Variants in FGGY observed in about 807,000 individuals in gnomAD.
FGGY encodes FGGY carbohydrate kinase domain containing.
In FGGY, 72 loss-of-function variants were observed where a neutral mutation model predicts 71.3. The observed-to-expected ratio is 1.01, with a 90% CI of 0.84 to 1.23. The LOEUF (loss-of-function observed/expected upper bound fraction) is 1.23, where lower values mean the gene tolerates loss of function less well. Among genes scored for constraint, FGGY ranks in the 50% most tolerant of loss-of-function variants. The probability of loss-of-function intolerance (pLI) is 0.00; values close to 1 mark genes in which losing one functional copy is unlikely to be tolerated. For missense variants in FGGY, 668 were observed against 682.3 expected (o/e 0.98, Z 0.23); for synonymous variants, 251 against 250.3 (o/e 1.00, Z -0.02).
intron 2 of FGGY, among the ~76,000 whole-genome samples, chr1:59,330,537 C>G (rs2048265384): frequency 6.6e-6 from 1 of 150,982 alleles, no homozygotes. Context: ...GCACTGCCCT[C>G]CAGCCTGGGC....
intron 6 of FGGY, among the ~76,000 whole-genome samples, chr1:59,492,882 T>C (rs72666212): frequency 0.064 from 9,740 of 152,184 alleles, 410 homozygotes; most frequent in East Asian, 0.12. Context: ...ATAAGGCAAA[T>C]TGAGTTACTT....
chr1:59,477,337 G>A (rs1029240447), intron 6 of FGGY, among the ~76,000 whole-genome samples: 3 of 152,136 alleles, frequency 2.0e-5, no homozygotes, highest in Middle Eastern at 3.2e-3. Flanking sequence ...GACCTTTTAA[G>A]TTTCCCAGCA....
chr1:59,382,329 T>A (rs2059564548), intron 5 of FGGY, among the ~76,000 whole-genome samples: 8 of 152,136 alleles, frequency 5.3e-5, no homozygotes, highest in Admixed American at 5.2e-4. Context: ...AGAGAACATT[T>A]CAGAAGCATG....
At chr1:59,372,820 C>G (rs1323710989) in intron 4 of FGGY, among the ~76,000 whole-genome samples, 1 of 152,082 alleles carries the variant, frequency 6.6e-6, no homozygotes, top group Non-Finnish European at 1.5e-5. Flanking sequence ...ACATGATTAT[C>G]TCAATAGATG....
At chr1:59,458,167 T>C (rs1459052468) in intron 6 of FGGY, among the ~76,000 whole-genome samples, 1 of 152,248 alleles carries the variant, frequency 6.6e-6, no homozygotes, top group East Asian at 1.9e-4. Context: ...GTAAAATGTA[T>C]ATGCCCTCCA....
chr1:59,604,909 G>T (rs971477237), intron 8 of FGGY, among the ~76,000 whole-genome samples: 1 of 152,146 alleles, frequency 6.6e-6, no homozygotes, highest in African/African-American at 2.4e-5. Context: ...AGAAGCTCTG[G>T]GACTTAGGAA....
At chr1:59,607,728 GA>G (rs1428877150) in intron 8 of FGGY, 74 bp from the exon 9 acceptor site, 1 of 1,150,960 alleles carries the variant, frequency 8.7e-7, no homozygotes, top group Non-Finnish European at 1.3e-6. Context: ...CATGGTCATA[GA>G]AATATTAGGA....
At chr1:59,675,355 G>A (rs1385950710) in intron 14 of FGGY, among the ~76,000 whole-genome samples, 3 of 152,160 alleles carry the variant, frequency 2.0e-5, no homozygotes, top group African/African-American at 7.2e-5. Flanking sequence ...AATGCTTCAT[G>A]AGCCACAGAG....
chr1:59,386,556 A>G (rs2060100079), intron 5 of FGGY, among the ~76,000 whole-genome samples: 1 of 148,898 alleles, frequency 6.7e-6, no homozygotes, highest in Non-Finnish European at 1.5e-5. Context: ...CCCCCACCAT[A>G]TTGTACTTTT....
At chr1:59,667,848 G>A (rs116148392) in intron 13 of FGGY, among the ~76,000 whole-genome samples, 200 of 152,326 alleles carry the variant, frequency 1.3e-3, no homozygotes, top group African/African-American at 4.5e-3. Context: ...AAAGCTTGGC[G>A]TGAGAAAAGT....
chr1:59,486,554 G>T (rs750253964), intron 6 of FGGY, among the ~76,000 whole-genome samples: 22 of 152,136 alleles, frequency 1.4e-4, no homozygotes, highest in Non-Finnish European at 2.6e-4. Flanking sequence ...CTCTGCCCCA[G>T]GGCTAACAGG....
chr1:59,745,741 A>G (rs2098191177), intron 14 of FGGY, among the ~76,000 whole-genome samples: 1 of 152,226 alleles, frequency 6.6e-6, no homozygotes, highest in Non-Finnish European at 1.5e-5. Context: ...AAATGACACA[A>G]AAGATGATGG....
intron 5 of FGGY, among the ~76,000 whole-genome samples, chr1:59,388,964 T>C (rs2060395038): frequency 6.6e-6 from 1 of 152,150 alleles, no homozygotes; most frequent in African/African-American, 2.4e-5. Context: ...CCCTCTTTTT[T>C]TTAGACAGGG....
At chr1:59,619,197 A>G (rs932250032) in intron 9 of FGGY, among the ~76,000 whole-genome samples, 1 of 152,032 alleles carries the variant, frequency 6.6e-6, no homozygotes, top group Non-Finnish European at 1.5e-5. Flanking sequence ...GTATTTACGG[A>G]GTGCTTACTA....
intron 14 of FGGY, among the ~76,000 whole-genome samples, chr1:59,753,470 AT>A (rs2098263799): frequency 4.3e-5 from 1 of 23,458 alleles, no homozygotes; most frequent in African/African-American, 1.7e-4. Context: ...AACTTTAAAT[AT>A]ATATATATAT....
intron 13 of FGGY, among the ~76,000 whole-genome samples, chr1:59,669,739 G>A (rs2097360613): frequency 6.6e-6 from 1 of 152,048 alleles, no homozygotes; most frequent in South Asian, 2.1e-4. Flanking sequence ...CTATCTGGAT[G>A]CAAGAGGAAA....
chr1:59,694,723 A>G (rs2097640997), intron 14 of FGGY, among the ~76,000 whole-genome samples: 1 of 151,186 alleles, frequency 6.6e-6, no homozygotes, highest in Admixed American at 6.6e-5. Flanking sequence ...ATGGGGTCTC[A>G]ATGTGTTGCC....
At chr1:59,590,049 A>G (rs1206749744) in intron 8 of FGGY, among the ~76,000 whole-genome samples, 2 of 152,152 alleles carry the variant, frequency 1.3e-5, no homozygotes, top group Admixed American at 6.6e-5. Flanking sequence ...AGCAAGACTA[A>G]TAAAGAAGAA....
chr1:59,649,993 CAT>C, intron 11 of FGGY, among the ~76,000 whole-genome samples: 1 of 148,086 alleles, frequency 6.8e-6, no homozygotes, highest in Non-Finnish European at 1.5e-5. Flanking sequence ...GCTTTTTCTG[CAT>C]CTGTTGAGAT....
Sources: gnomAD v4.1 joint callset for allele counts (sites outside exome capture counted in the v4.1 genomes callset) on GRCh38, gnomAD v4.1.1 for gene constraint, MANE v1.5 for transcripts, NCBI Gene and HGNC (gene_info 2026-07-23, HGNC 2026-07-21) for gene names.